The following RARB variants were observed in gnomAD, a reference collection of about 807,000 sequenced individuals.
The protein encoded by RARB is HBV-activated protein.
RARB carries 17 observed loss-of-function variants against 51.9 expected under a neutral mutation model. That is an observed-to-expected ratio of 0.33 (90% CI 0.22 to 0.49). The LOEUF is 0.49. Among genes scored for constraint, RARB ranks in the 20% least tolerant of loss-of-function variants. RARB has a pLI of 0.99. For synonymous variants in RARB, 215 were observed against 195.4 expected, an observed-to-expected ratio of 1.10 and a Z score of -0.84; for missense variants, 369 against 550.8, an observed-to-expected ratio of 0.67 and a Z score of 3.30.
chr3:25,149,872 AC>A (rs1700254022), intron 4 of RARB, among the ~76,000 whole-genome samples: 1 of 152,026 alleles, frequency 6.6e-6, no homozygotes, highest in African/African-American at 2.4e-5. Flanking sequence ...TAACAACTTT[AC>A]CCATATGCAT....
chr3:25,076,253 G>C (rs1031391872), intron 3 of RARB, among the ~76,000 whole-genome samples: 10 of 151,614 alleles, frequency 6.6e-5, no homozygotes, highest in African/African-American at 1.9e-4. Flanking sequence ...CCATTCTCTT[G>C]CCTCAACCTC....
chr3:25,198,429 A>T (rs1039230173), intron 5 of RARB, among the ~76,000 whole-genome samples: 5 of 152,034 alleles, frequency 3.3e-5, no homozygotes, highest in Non-Finnish European at 5.9e-5. Context: ...AAATAGGATC[A>T]CATCAAGTTA....
chr3:24,958,705 T>G (rs1299020387), intron 2 of RARB, among the ~76,000 whole-genome samples: 1 of 152,212 alleles, frequency 6.6e-6, no homozygotes, highest in Non-Finnish European at 1.5e-5. Context: ...TCCTGGAGTT[T>G]GTAAAATTTT....
intron 2 of RARB, among the ~76,000 whole-genome samples, chr3:24,869,875 A>G (rs1001823996): frequency 6.6e-6 from 1 of 152,100 alleles, no homozygotes; most frequent in Non-Finnish European, 1.5e-5. Context: ...TAGATTGTGT[A>G]TGAGTATTCC....
At chr3:25,161,505 T>C (rs1369959883) in intron 4 of RARB, among the ~76,000 whole-genome samples, 2 of 152,186 alleles carry the variant, frequency 1.3e-5, no homozygotes, top group African/African-American at 4.8e-5. Context: ...CATGTCCTTT[T>C]AATGTTAATG....
intron 2 of RARB, among the ~76,000 whole-genome samples, chr3:24,934,708 G>T (rs1411965081): frequency 6.6e-6 from 1 of 152,008 alleles, no homozygotes; most frequent in African/African-American, 2.4e-5. Flanking sequence ...TGTCTAAGAA[G>T]AAAATGCTTG....
chr3:25,490,539 C>T (rs1393551836), intron 2 of RARB, among the ~76,000 whole-genome samples: 3 of 152,106 alleles, frequency 2.0e-5, no homozygotes, highest in Non-Finnish European at 4.4e-5. Context: ...TATATATGAG[C>T]ATGTTTTGGC....
At chr3:24,883,536 A>T (rs1369249148) in intron 2 of RARB, among the ~76,000 whole-genome samples, 1 of 152,184 alleles carries the variant, frequency 6.6e-6, no homozygotes, top group Non-Finnish European at 1.5e-5. Context: ...AATTATAAAT[A>T]CATTAGACTT....
intron 2 of RARB, among the ~76,000 whole-genome samples, chr3:24,896,679 T>C (rs920564781): frequency 6.6e-6 from 1 of 152,204 alleles, no homozygotes; most frequent in Non-Finnish European, 1.5e-5. Flanking sequence ...AATTTTGTGT[T>C]GTATATTTTG....
At chr3:25,148,685 TC>T (rs1372907762) in intron 4 of RARB, among the ~76,000 whole-genome samples, 4 of 152,238 alleles carry the variant, frequency 2.6e-5, no homozygotes, top group Admixed American at 2.6e-4. Context: ...GCTCTGTGCC[TC>T]AGTTTCCTCA....
At chr3:25,209,043 G>A (rs1292858677) in intron 5 of RARB, among the ~76,000 whole-genome samples, 1 of 152,252 alleles carries the variant, frequency 6.6e-6, no homozygotes, top group Non-Finnish European at 1.5e-5. Flanking sequence ...TAGGTTAAAA[G>A]TGAAACAGAA....
At chr3:25,513,496 A>AT (rs1698007928) in intron 3 of RARB, among the ~76,000 whole-genome samples, 1 of 152,116 alleles carries the variant, frequency 6.6e-6, no homozygotes, top group South Asian at 2.1e-4. Flanking sequence ...TCATGAGCCC[A>AT]TTTTTACCTT....
chr3:25,448,648 G>A (rs1319490933), intron 1 of RARB, among the ~76,000 whole-genome samples: 1 of 152,052 alleles, frequency 6.6e-6, no homozygotes, highest in East Asian at 1.9e-4. Context: ...TGTATTGTTA[G>A]TAGAGATAGG....
intron 2 of RARB, among the ~76,000 whole-genome samples, chr3:24,960,582 T>C (rs1696117499): frequency 1.3e-5 from 2 of 152,012 alleles, no homozygotes; most frequent in South Asian, 4.1e-4. Flanking sequence ...AAGTGGAAAA[T>C]TGTGAACACC....
intron 5 of RARB, among the ~76,000 whole-genome samples, chr3:25,288,768 C>CTTT (rs11457654): frequency 2.0e-5 from 3 of 151,400 alleles, no homozygotes; most frequent in Non-Finnish European, 4.4e-5. Context: ...CTCTTCTGTT[C>CTTT]TTTTTTTTTC....
At chr3:25,033,020 C>T (rs1233034376) in intron 2 of RARB, among the ~76,000 whole-genome samples, 1 of 152,186 alleles carries the variant, frequency 6.6e-6, no homozygotes, top group Non-Finnish European at 1.5e-5. Flanking sequence ...TAAGTCATTC[C>T]TTCTACTCAA....
chr3:25,246,300 A>G (rs1198113221), intron 5 of RARB, among the ~76,000 whole-genome samples: 2 of 152,078 alleles, frequency 1.3e-5, no homozygotes, highest in South Asian at 2.1e-4. Flanking sequence ...GTTATTACCC[A>G]TCTTCTGAAG....
At chr3:25,269,896 A>C (rs767681048) in intron 5 of RARB, among the ~76,000 whole-genome samples, 1 of 152,228 alleles carries the variant, frequency 6.6e-6, no homozygotes, top group Admixed American at 6.5e-5. Context: ...GTCATTAAGC[A>C]TACGAAAAGA....
chr3:25,000,037 C>T (rs889703139), intron 2 of RARB, among the ~76,000 whole-genome samples: 2 of 152,104 alleles, frequency 1.3e-5, no homozygotes, highest in Non-Finnish European at 2.9e-5. Context: ...TGATCAGGGT[C>T]ACATACCAGT....
Sources: gnomAD v4.1 joint callset for allele counts (sites outside exome capture counted in the v4.1 genomes callset) on GRCh38, gnomAD v4.1.1 for gene constraint, MANE v1.5 for transcripts, NCBI Gene and HGNC (gene_info 2026-07-23, HGNC 2026-07-21) for gene names.